Variants in PROX2 observed in about 807,000 individuals in gnomAD.
PROX2 encodes the protein prospero homeobox 2.
In PROX2, 46 loss-of-function variants were observed where a neutral mutation model predicts 48.9. The ratio of observed to expected loss-of-function variants is 0.94; its 90% confidence interval spans 0.74 to 1.20. PROX2 has a LOEUF of 1.20. PROX2 is among the 50% of genes most tolerant of loss of function. The probability of loss-of-function intolerance (pLI) is 0.00; values close to 1 mark genes in which losing one functional copy is unlikely to be tolerated. For synonymous variants in PROX2, 260 were observed against 276.6 expected (o/e 0.94, Z 0.60); for missense variants, 663 against 719.4 (o/e 0.92, Z 0.90).
At position 74,863,454 on chromosome 14, in the gene PROX2, C is replaced by T. The variant is rs61740783; in HGVS notation, c.381G>A (p.Lys127=). The T allele has an allele frequency of 1.3e-3, 2,107 of 1,613,498 alleles. 25 individuals are homozygous for T. In the African/African-American group the frequency reaches 0.024, roughly 18 times the overall value. The change falls in exon 3 of 6, where the codon AAG becomes AAA. Residue 127 remains lysine (K), a synonymous_variant. Coordinates refer to ENST00000556489, the MANE Select transcript of PROX2 (RefSeq NM_001243007.2). ...GTTGTTCTCTCACACGAGGGCCCCCCTTCCTGTTGCCCTGGTCCCAGGCAG... is the reference window on the plus strand; with the variant it reads ...GTTGTTCTCTCACACGAGGGCCCCCTTTCCTGTTGCCCTGGTCCCAGGCAG... ...PAPAWDQGNR[K]GGPRVREQLH... is the part of the protein sequence containing the mutation.
chr14:74,861,266 A>C (rs748336159), intron 3 of PROX2: 4 of 1,339,056 alleles, frequency 3.0e-6, no homozygotes, highest in South Asian at 1.1e-5. Context: ...TCAAAGCTGC[A>C]CACAAGAAGC....
intron 1 of PROX2, among the ~76,000 whole-genome samples, chr14:74,874,542 C>T (rs969003930): frequency 2.0e-4 from 31 of 152,156 alleles, no homozygotes; most frequent in African/African-American, 3.9e-4. Context: ...TGAGCCACCG[C>T]GCCCGGCCTA....
intron 2 of PROX2, among the ~76,000 whole-genome samples, chr14:74,867,545 A>G (rs1228698741): frequency 1.3e-5 from 2 of 152,200 alleles, no homozygotes; most frequent in African/African-American, 4.8e-5. Context: ...TGCTAACTCC[A>G]TTGAATAAAT....
At position 74,863,140 on chromosome 14, in the gene PROX2, C is replaced by T. The variant is rs766014714; in HGVS notation, c.695G>A (p.Arg232Lys). The T allele has an allele frequency of 6.4e-5, 104 of 1,613,940 alleles. No individual in the cohort carries two copies. The highest frequency in any genetic ancestry group is 8.3e-5 in the Admixed American group (5 of 60,018). ...SLEILRKELT[R>K]AVSQAVDSVL... ...CGAGTCCACAGCCTGGGACACTGCC[C>T]TGGTCAGCTCTTTCCTCAGAATCTC... Residue 232 changes from arginine to lysine, a missense_variant, in exon 3 of 6, where the codon AGG becomes AAG. Physicochemically the swap from Arg to Lys is conservative, Grantham distance 26. Transcript: ENST00000556489.
At chr14:74,872,846 C>T (rs1040518351) in intron 1 of PROX2, among the ~76,000 whole-genome samples, 2 of 152,210 alleles carry the variant, frequency 1.3e-5, no homozygotes, top group Admixed American at 6.5e-5. Context: ...GTCAGACTGA[C>T]AGGCCCAGGC....
chr14:74,862,488 AC>A, intron 3 of PROX2, 41 bp downstream of exon 3: 1 of 1,574,412 alleles, frequency 6.4e-7, no homozygotes, highest in Non-Finnish European at 8.6e-7. Flanking sequence ...GCCACACTGC[AC>A]CTGGCCAACA....
In PROX2 at chr14:74,862,739, C is replaced by T; in HGVS notation, c.1096G>A (p.Asp366Asn). The change falls in exon 3 of 6, where the codon GAC becomes AAC. Residue 366 changes from aspartate to asparagine, a missense_variant. Asp to Asn is a conservative substitution (Grantham distance 23). Coordinates refer to ENST00000556489, the MANE Select transcript of PROX2 (RefSeq NM_001243007.2). ...GAGGGGTGCCTCTGGGAAGATGAGT[C>T]CTGGGGAGGACTGCTACTCCAATGG... ...NGHWSSSPPQ[D>N]SSSQRHPSSE... The T allele has an allele frequency of 6.2e-7, 1 of 1,613,934 alleles. No individual in the cohort carries two copies. Among genetic ancestry groups the T allele is most frequent in the Non-Finnish European group, 8.5e-7 (1 of 1,179,870 alleles).
At chr14:74,869,410 C>T (rs1399748630) in intron 2 of PROX2, among the ~76,000 whole-genome samples, 1 of 151,984 alleles carries the variant, frequency 6.6e-6, no homozygotes, top group Non-Finnish European at 1.5e-5. Flanking sequence ...TCCCAAGTAG[C>T]TGGTATTACA....
intron 3 of PROX2, chr14:74,861,349 GCTTGTT>G: frequency 3.1e-6 from 2 of 640,040 alleles, no homozygotes; most frequent in Non-Finnish European, 5.2e-6. Context: ...TCTGCAAGAT[GCTTGTT>G]AGAAGTGGTC....
rs1345785433 is a variant in PROX2, at chr14:74,863,059, C to T, written c.776G>A (p.Ser259Asn). The change falls in exon 3 of 6, where the codon AGC (serine) becomes AAC (asparagine). Residue 259 changes from serine to asparagine, a missense_variant. Transcript: ENST00000556489. Reference protein sequence around the residue: ...PPGHLTQLGRSFQGQVAEGRS... With the variant: ...PPGHLTQLGRNFQGQVAEGRS... The stretch of plus-strand genomic sequence containing the variant: ...ACCCTCTGCCACCTGCCCCTGGAAG[C>T]TTCTGCCCAGCTGAGTCAGGTGGCC... 1 of 1,613,826 alleles carries T rather than the reference C, an allele frequency of 6.2e-7. No individual in the cohort carries two copies. Among genetic ancestry groups the T allele is most frequent in the Non-Finnish European group, 8.5e-7 (1 of 1,179,856 alleles).
intron 2 of PROX2, among the ~76,000 whole-genome samples, chr14:74,870,424 C>CAAA (rs555317797): frequency 8.2e-5 from 4 of 48,886 alleles, no homozygotes; most frequent in South Asian, 7.8e-4. Context: ...AAGCCTGCCT[C>CAAA]AAAAAAAAAA....
rs573976479 is a variant in PROX2, at chr14:74,864,568, G to A, written c.-174-560C>T. On this transcript the variant is annotated intron_variant, in intron 2 of 5. Transcript: ENST00000556489. The stretch of plus-strand genomic sequence containing the variant: ...CTAGAAATAGCAAATTCGGCAGGGT[G>A]CGGTGGCTCACGCCTGTAATCCCAG... Among the ~76,000 whole-genome samples the A allele has an allele frequency of 2.1e-4, 32 of 152,336 alleles. 1 individual carries two copies. In the South Asian group the frequency reaches 5.6e-3, roughly 27 times the overall value.
chr14:74,862,316 C>T (rs920353241), intron 3 of PROX2, among the ~76,000 whole-genome samples: 1 of 152,230 alleles, frequency 6.6e-6, no homozygotes, highest in Non-Finnish European at 1.5e-5. Flanking sequence ...ATCCTCCTGC[C>T]TCAGCCTCCT....
Position 74,862,862 on chromosome 14 carries a change from A to G in PROX2, c.973T>C (p.Cys325Arg). 6.2e-7 allele frequency: 1 copy of G among 1,613,916 alleles called. No homozygotes were observed. The highest frequency in any genetic ancestry group is 1.1e-5 in the South Asian group (1 of 91,082). ...GGAAAGTTTGCTGGGGGATCCTGAC[A>G]GGGTTTGGGGGTCATTCTTGGAGGG... ...PIPPRMTPKP[C>R]QDPPANFPLT... The change falls in exon 3 of 6, where the codon TGT becomes CGT. Residue 325 changes from cysteine (C) to arginine (R), a missense_variant. Coordinates refer to ENST00000556489, the MANE Select transcript of PROX2 (RefSeq NM_001243007.2).
intron 1 of PROX2, chr14:74,874,112 A>C: frequency 1.9e-6 from 1 of 529,134 alleles, no homozygotes; most frequent in Non-Finnish European, 3.9e-6. Flanking sequence ...TTTTCTAAAG[A>C]CCGCTTTGGA....
intron 3 of PROX2, chr14:74,859,210 A>C (rs1323476152): frequency 6.6e-6 from 1 of 152,150 alleles, no homozygotes; most frequent in Non-Finnish European, 1.5e-5. Flanking sequence ...AGAAGCTCCC[A>C]CCTCTGTTAA....
chr14:74,854,346 GCTC>G lies in PROX2; in HGVS notation c.*783_*785del, dbSNP rs746089547. The G allele has an allele frequency of 2.6e-6, 1 of 387,860 alleles. No individual in the cohort carries two copies. The highest frequency in any genetic ancestry group is 5.2e-6 in the Non-Finnish European group (1 of 191,086). 24.0% of individuals were successfully genotyped at this position (387,860 alleles called of 1,614,324 possible). The stretch of plus-strand genomic sequence containing the variant: ...CAGCAGAAATCTTGGGCGGTGAAGT[GCTC>G]CTAAGTGCTGGGCAGGAGTTGTCAG... On this transcript the variant is annotated 3_prime_UTR_variant, in exon 6 of 6. Coordinates refer to ENST00000556489, the MANE Select transcript of PROX2 (RefSeq NM_001243007.2).
In PROX2 at chr14:74,857,019, A is replaced by G. The variant is rs762841352; in HGVS notation, c.1414-24T>C. 34 of 1,606,316 alleles carry G rather than the reference A, an allele frequency of 2.1e-5. 1 individual carries two copies. The Admixed American group carries it at 2.3e-4, about 11-fold the overall frequency. On this transcript the variant is annotated intron_variant, in intron 4 of 5. Coordinates refer to ENST00000556489, the MANE Select transcript of PROX2 (RefSeq NM_001243007.2). ...AACTGTACAAACAAGAGGTCCATCC[A>G]GTCAGACATTTGCCACGAGGTGCTC...
chr14:74,858,779 TGTGTG>T, intron 3 of PROX2: 1 of 84,718 alleles, frequency 1.2e-5, no homozygotes, highest in Non-Finnish European at 2.0e-5. Flanking sequence ...TGGTGTATTT[TGTGTG>T]TGTGTGTGTG....
Sources: allele counts gnomAD v4.1 joint callset (sites outside exome capture counted in the v4.1 genomes callset), GRCh38; gene constraint gnomAD v4.1.1; transcripts MANE v1.5; gene names NCBI Gene and HGNC (gene_info 2026-07-23, HGNC 2026-07-21).